Variants in LRR1 observed in about 807,000 individuals in gnomAD.
LRR1 encodes leucine-rich repeat protein 1.
LRR1 carries 29 observed loss-of-function variants against 31.6 expected under a neutral mutation model. The observed-to-expected ratio is 0.92, with a 90% CI of 0.68 to 1.25. The LOEUF (loss-of-function observed/expected upper bound fraction) is 1.25. Ranked by LOEUF, LRR1 falls within the 50% of genes most tolerant of loss-of-function variation. The pLI, the probability that LRR1 is intolerant of heterozygous loss-of-function variation, is 0.00. For synonymous variants in LRR1, 179 were observed against 181.4 expected (o/e 0.99, Z 0.10); for missense variants, 485 against 487.2 (o/e 1.00, Z 0.04).
intron 3 of LRR1, among the ~76,000 whole-genome samples, chr14:49,608,385 C>T (rs1882368322): frequency 9.4e-6 from 1 of 105,962 alleles, no homozygotes; most frequent in Non-Finnish European, 1.8e-5. Context: ...AATTTTATTC[C>T]TTCCCTCCTT....
Position 49,608,017 on chromosome 14 carries a change from T to A in LRR1, c.900T>A (p.Asp300Glu). 1 of 1,613,818 alleles carries A rather than the reference T, an allele frequency of 6.2e-7. No homozygotes were observed. ...EFRNLSLEYLDLFGNTFEQPK... is the reference protein window; with the variant it reads ...EFRNLSLEYLELFGNTFEQPK... The stretch of plus-strand genomic sequence containing the variant: ...GAAATTTATCCCTTGAATACTTGGA[T>A]CTTTTTGGAAATACTTTTGAACAAC... Residue 300 changes from aspartate (D) to glutamate (E), a missense_variant, in exon 3 of 4, where the codon GAT becomes GAA. This residue lies in a region of LRR1 where 210 missense variants were observed against 200.4 expected (regional missense o/e 1.05). Transcript: ENST00000298288.
chr14:49,614,249 C>A lies in LRR1; in HGVS notation c.1005-7C>A. The A allele has an allele frequency of 6.2e-7, 1 of 1,608,116 alleles. No individual in the cohort carries two copies. Among genetic ancestry groups the A allele is most frequent in the South Asian group, 1.1e-5 (1 of 90,480 alleles). ...TTATAAAATATTTTTATCATTCTTT[C>A]CAATAGGATTCCATATGGCTCTCAT... On this transcript the variant is annotated splice_region_variant and splice_polypyrimidine_tract_variant and intron_variant, in intron 3 of 3. Transcript: ENST00000298288.
Position 49,602,398 on chromosome 14 carries a change from C to G in LRR1, c.212C>G (p.Thr71Ser). 6.2e-7 allele frequency: 1 copy of G among 1,613,572 alleles called. No individual in the cohort carries two copies. The change falls in exon 2 of 4, where the codon ACC becomes AGC. Residue 71 changes from threonine to serine, a missense_variant. Transcript: ENST00000298288. Reference protein sequence around the residue: ...ELRENIEQFFTKFVDEGKATV... With the variant: ...ELRENIEQFFSKFVDEGKATV... ...AGGGAGAACATTGAGCAATTCTTCA[C>G]CAAATTTGTAGATGAGGGGAAAGCC... is the stretch of plus-strand genomic sequence containing the variant.
Position 49,604,183 on chromosome 14 carries a change from T to G in LRR1, c.282+1715T>G, listed in dbSNP as rs1267418114. Reference sequence around the variant, plus strand: ...TAGCCAGGCGTGGTTTTCACACCTGTGGTGCCAGCTACTTGGGAGCCTGAG... The same window carrying G: ...TAGCCAGGCGTGGTTTTCACACCTGGGGTGCCAGCTACTTGGGAGCCTGAG... On this transcript the variant is annotated intron_variant, in intron 2 of 3. Coordinates refer to ENST00000298288, the MANE Select transcript of LRR1 (RefSeq NM_152329.4). Among the ~76,000 whole-genome samples the G allele has an allele frequency of 2.0e-5, 3 of 149,658 alleles. No individual in the cohort carries two copies. The East Asian group carries it at 5.9e-4, about 30-fold the overall frequency.
chr14:49,608,714 A>G lies in LRR1; in HGVS notation c.1004+593A>G, dbSNP rs562129166. On this transcript the variant is annotated intron_variant, in intron 3 of 3. Coordinates refer to ENST00000298288, the MANE Select transcript of LRR1 (RefSeq NM_152329.4). ...TTACCTAGGAACTTCCTAGAGATGC[A>G]GGTTCTAACATTCCAGACCTACTGA... Among the ~76,000 whole-genome samples the G allele has an allele frequency of 2.0e-5, 3 of 151,806 alleles. No individual in the cohort carries two copies. In the South Asian group the frequency reaches 6.2e-4, roughly 32 times the overall value.
intron 3 of LRR1, 53 bp from the exon 4 acceptor site, chr14:49,614,203 T>G: frequency 6.5e-7 from 1 of 1,535,114 alleles, no homozygotes; most frequent in Non-Finnish European, 8.8e-7. Context: ...TAATAATTCA[T>G]GTCCTGAATC....
chr14:49,606,043 T>C lies in LRR1; in HGVS notation c.283-1357T>C, dbSNP rs1039639883. 9.4e-3 allele frequency among the ~76,000 whole-genome samples: 1,425 copies of C among 151,494 alleles called. 18 individuals carry two copies. The highest frequency in any genetic ancestry group is 0.033 in the African/African-American group (1,356 of 41,268). On this transcript the variant is annotated intron_variant, in intron 2 of 3. Coordinates refer to ENST00000298288, the MANE Select transcript of LRR1 (RefSeq NM_152329.4). ...AGCTTTTTTTTTTTTCTTTTTTTTT[T>C]TTTTATATGGAGTCGCTCTGTCGCC...
chr14:49,602,332 A>T (rs1018765692), intron 1 of LRR1, 38 bp from the exon 2 acceptor site: 2 of 1,538,804 alleles, frequency 1.3e-6, no homozygotes, highest in Non-Finnish European at 1.8e-6. Context: ...AGTAACAATA[A>T]TTAGTTTTCT....
At chr14:49,606,067 C>T (rs1882269443) in intron 2 of LRR1, among the ~76,000 whole-genome samples, 1 of 150,844 alleles carries the variant, frequency 6.6e-6, no homozygotes, top group Admixed American at 6.6e-5. Flanking sequence ...CGCTCTGTCG[C>T]CCAGGCTGCC....
chr14:49,613,686 GGCGCCTGTAATCCCA>G (rs1383962236), intron 3 of LRR1, among the ~76,000 whole-genome samples: 7 of 149,254 alleles, frequency 4.7e-5, no homozygotes, highest in Admixed American at 4.7e-4. Context: ...CGTGGTGGTA[GGCGCCTGTAATCCCA>G]GCTACTTGGG....
chr14:49,613,398 G>A (rs572120518), intron 3 of LRR1, among the ~76,000 whole-genome samples: 169 of 151,926 alleles, frequency 1.1e-3, no homozygotes, highest in Non-Finnish European at 1.4e-3. Flanking sequence ...CCAGCTACTC[G>A]GGAGGCTGAG....
intron 2 of LRR1, among the ~76,000 whole-genome samples, chr14:49,602,803 G>A (rs547702041): frequency 1.9e-4 from 29 of 152,058 alleles, no homozygotes; most frequent in Middle Eastern, 3.4e-3. Context: ...TTGGCCTGGC[G>A]TGTATTTGCT....
intron 1 of LRR1, chr14:49,600,687 A>T (rs1326559454): frequency 1.6e-6 from 2 of 1,243,148 alleles, no homozygotes; most frequent in East Asian, 2.4e-5. Flanking sequence ...CTATACCCAG[A>T]CCTTTTATAG....
At chr14:49,603,653 C>T (rs748875745) in intron 2 of LRR1, 202 of 1,002,778 alleles carry the variant, frequency 2.0e-4, no homozygotes, top group Non-Finnish European at 2.4e-4. Context: ...TTTTTGTCTA[C>T]TGTGCCTGGC....
At chr14:49,607,259 T>TA (rs1202637745) in intron 2 of LRR1, 141 bp from the exon 3 acceptor site, 42 of 916,130 alleles carry the variant, frequency 4.6e-5, no homozygotes, top group South Asian at 8.1e-5. Context: ...AATAAAGTAC[T>TA]AAAAAAAAGT....
At position 49,608,085 on chromosome 14, in the gene LRR1, T is replaced by C. The variant is rs1489913459; in HGVS notation, c.968T>C (p.Leu323Ser). The stretch of plus-strand genomic sequence containing the variant: ...ATAAAGCTGCAAGCACCATTAACTT[T>C]ATTGGAATCTTCTGCACGAACCATA... The part of the protein sequence containing the change: ...PVIKLQAPLT[L>S]LESSARTILH... Residue 323 changes from leucine (L) to serine (S), a missense_variant, in exon 3 of 4, where the codon TTA (leucine) becomes TCA (serine). Around this residue, in one of 3 missense-constraint regions of LRR1, gnomAD observed 210 missense variants for 200.4 expected, o/e 1.05. Coordinates refer to ENST00000298288, the MANE Select transcript of LRR1 (RefSeq NM_152329.4). The C allele has an allele frequency of 6.3e-7, 1 of 1,599,298 alleles. No individual in the cohort carries two copies.
chr14:49,605,761 G>A (rs762256003), intron 2 of LRR1, among the ~76,000 whole-genome samples: 1 of 152,100 alleles, frequency 6.6e-6, no homozygotes, highest in Non-Finnish European at 1.5e-5. Flanking sequence ...TGATAGTTCA[G>A]CTGTTATATG....
At position 49,612,614 on chromosome 14, in the gene LRR1, C is replaced by T. The variant is rs951003938; in HGVS notation, c.1005-1642C>T. On this transcript the variant is annotated intron_variant, in intron 3 of 3. Transcript: ENST00000298288. ...ATTGCAAATAGGGCCATCCTAGATCCCGTACCAAAGGTAACCGCTGTTTTT... is the reference window on the plus strand; with the variant it reads ...ATTGCAAATAGGGCCATCCTAGATCTCGTACCAAAGGTAACCGCTGTTTTT... 13 of 1,091,916 alleles carry T rather than the reference C, an allele frequency of 1.2e-5. No individual in the cohort carries two copies. The South Asian group carries it at 2.5e-4, about 21-fold the overall frequency. 67.6% of individuals were successfully genotyped at this position (1,091,916 alleles called of 1,614,324 possible). A position where few individuals can be genotyped will look rare whatever the true frequency, so the allele number is the denominator to read the frequency against.
rs1451819737 is a variant in LRR1, at chr14:49,614,389, G to A, written c.1138G>A (p.Ala380Thr). 3.1e-6 allele frequency: 5 copies of A among 1,613,878 alleles called. No homozygotes were observed. In the Admixed American group the frequency reaches 5.0e-5, roughly 16 times the overall value. ...TACTACCATGAATCTGCATTCTGTT[G>A]CCCACACTGTGGTCTTAGTAGATAA... ...GTTTMNLHSV[A>T]HTVVLVDNLG... The change falls in exon 4 of 4, where the codon GCC (alanine) becomes ACC (threonine). Residue 380 changes from alanine (A) to threonine (T), a missense_variant. By Grantham distance (58) the Ala-to-Thr change is moderately conservative. Transcript: ENST00000298288.
Sources: allele counts gnomAD v4.1 joint callset (sites outside exome capture counted in the v4.1 genomes callset), GRCh38; gene constraint gnomAD v4.1.1; regional missense constraint gnomAD v4.1.1; transcripts MANE v1.5; gene names NCBI Gene and HGNC (gene_info 2026-07-23, HGNC 2026-07-21).